ZNF362: variants seen among roughly 807,000 people sequenced by gnomAD.
The protein encoded by ZNF362 is zinc finger protein 362.
ZNF362 carries 11 observed loss-of-function variants against 42.9 expected under a neutral mutation model. The observed-to-expected ratio is 0.26, with a 90% CI of 0.16 to 0.42. The LOEUF (loss-of-function observed/expected upper bound fraction) is 0.42, where lower values mean the gene tolerates loss of function less well. ZNF362 is among the 20% of genes least tolerant of loss of function. ZNF362 has a pLI of 1.00. For synonymous variants in ZNF362, 255 were observed against 257.3 expected, an observed-to-expected ratio of 0.99 and a Z score of 0.09; for missense variants, 362 against 576.2, an observed-to-expected ratio of 0.63 and a Z score of 3.81.
In ZNF362 at chr1:33,298,679, G is replaced by A. The variant is rs138394793; in HGVS notation, c.1147-251G>A. 2.8e-4 allele frequency among the ~76,000 whole-genome samples: 42 copies of A among 152,336 alleles called. No individual in the cohort carries two copies. In the East Asian group the frequency reaches 5.0e-3, roughly 18 times the overall value. On this transcript the variant is annotated intron_variant, in intron 8 of 8. Coordinates refer to ENST00000539719, the MANE Select transcript of ZNF362 (RefSeq NM_152493.3). The stretch of plus-strand genomic sequence containing the variant: ...GCTACATCCAGGTGGCAAGGGCCTG[G>A]GGGCCTGGCCCTGGAGAGCCACAGG...
chr1:33,156,263 T>C, the ZNF362 span, among the ~76,000 whole-genome samples: 5 of 152,182 alleles, frequency 3.3e-5, no homozygotes, highest in African/African-American at 9.6e-5. Context: ...TGCCACACTC[T>C]CTCTCCTTCG....
rs185772301 is a variant in ZNF362 at position 33,273,360 on chromosome 1, T to G, written c.39-2740T>G. 7.4e-4 allele frequency among the ~76,000 whole-genome samples: 112 copies of G among 152,096 alleles called. 1 individual carries two copies. The highest frequency in any genetic ancestry group is 1.9e-3 in the Admixed American group (29 of 15,282). ...TAAGTGATCTGGGGCCCATCTAGGG[T>G]GAAGGGTGGCCCCTGCCTGACCAGG... On this transcript the variant is annotated intron_variant, in intron 2 of 8. Coordinates refer to ENST00000539719, the MANE Select transcript of ZNF362 (RefSeq NM_152493.3).
the ZNF362 span, chr1:33,195,732 G>A: frequency 2.0e-5 from 3 of 152,196 alleles, no homozygotes; most frequent in Non-Finnish European, 2.9e-5. Flanking sequence ...TTGCAGGACT[G>A]GAAGTTGCTC....
At chr1:33,273,144 G>C (rs1645918022) in intron 2 of ZNF362, among the ~76,000 whole-genome samples, 2 of 152,244 alleles carry the variant, frequency 1.3e-5, no homozygotes, top group Non-Finnish European at 2.9e-5. Context: ...AGATGCTGTT[G>C]ATGAGCACCT....
the ZNF362 span, among the ~76,000 whole-genome samples, chr1:33,188,789 A>G: frequency 5.9e-5 from 9 of 152,186 alleles, no homozygotes; most frequent in African/African-American, 2.2e-4. Context: ...GCAGCTAAGG[A>G]GAGAGATAAG....
In ZNF362 at chr1:33,286,162, G is replaced by A. The variant is rs114793919; in HGVS notation, c.908+4351G>A. On this transcript the variant is annotated intron_variant, in intron 6 of 8. Transcript: ENST00000539719. ...TAAAACAAGGGAGCAAATCTTTGGTGTTGCCCAGCAGCCGTCTGGAAATGC... is the reference window on the plus strand; with the variant it reads ...TAAAACAAGGGAGCAAATCTTTGGTATTGCCCAGCAGCCGTCTGGAAATGC... Among the ~76,000 whole-genome samples the A allele has an allele frequency of 3.9e-3, 599 of 152,310 alleles. 4 individuals carry two copies. The highest frequency in any genetic ancestry group is 0.014 in the African/African-American group (569 of 41,570).
the ZNF362 span, among the ~76,000 whole-genome samples, chr1:33,162,361 T>G: frequency 6.6e-6 from 1 of 152,258 alleles, no homozygotes; most frequent in Non-Finnish European, 1.5e-5. Flanking sequence ...AAGACCTAGC[T>G]TGAAAGTGAC....
chr1:33,237,322 T>C, the ZNF362 span, among the ~76,000 whole-genome samples: 8 of 152,128 alleles, frequency 5.3e-5, no homozygotes, highest in Non-Finnish European at 1.0e-4. Flanking sequence ...ACTGTTGTTG[T>C]TGTTAAGAGC....
the ZNF362 span, among the ~76,000 whole-genome samples, chr1:33,205,632 G>C: frequency 6.6e-6 from 1 of 152,044 alleles, no homozygotes; most frequent in Non-Finnish European, 1.5e-5. Context: ...AGACAAACAG[G>C]GCCAGGTGTG....
chr1:33,276,222 C>G, intron 3 of ZNF362, 59 bp downstream of exon 3: 1 of 1,605,504 alleles, frequency 6.2e-7, no homozygotes, highest in Non-Finnish European at 8.5e-7. Flanking sequence ...TTCGCTTCCC[C>G]TGGGTTTTGG....
the ZNF362 span, among the ~76,000 whole-genome samples, chr1:33,192,013 A>G: frequency 6.6e-6 from 1 of 152,302 alleles, no homozygotes; most frequent in South Asian, 2.1e-4. Context: ...GGAGTGGGAC[A>G]CTTCTACTAC....
At chr1:33,169,531 C>G in the ZNF362 span, among the ~76,000 whole-genome samples, 1 of 152,148 alleles carries the variant, frequency 6.6e-6, no homozygotes, top group East Asian at 1.9e-4. Context: ...ATGCTTCCCC[C>G]TCTCACTCTC....
At chr1:33,238,967 T>TG in the ZNF362 span, among the ~76,000 whole-genome samples, 3 of 152,146 alleles carry the variant, frequency 2.0e-5, no homozygotes, top group Admixed American at 2.0e-4. Context: ...GTTTAATCCA[T>TG]CCAGCTTACG....
intron 8 of ZNF362, among the ~76,000 whole-genome samples, chr1:33,296,609 G>A (rs1448346273): frequency 6.6e-6 from 1 of 151,372 alleles, no homozygotes; most frequent in Non-Finnish European, 1.5e-5. Flanking sequence ...CTTAGGTGAA[G>A]CCTTGAAGGA....
chr1:33,231,824 G>C, the ZNF362 span, among the ~76,000 whole-genome samples: 1 of 152,164 alleles, frequency 6.6e-6, no homozygotes, highest in Non-Finnish European at 1.5e-5. Flanking sequence ...AGCTCCCTCA[G>C]CCCTACTAAG....
chr1:33,238,557 A>G, the ZNF362 span, among the ~76,000 whole-genome samples: 1 of 152,092 alleles, frequency 6.6e-6, no homozygotes, highest in Non-Finnish European at 1.5e-5. Flanking sequence ...ACCTCAGCCA[A>G]TCAATGCAGC....
Position 33,276,473 on chromosome 1 carries a change from C to T in ZNF362, c.228C>T (p.Ala76=), listed in dbSNP as rs529132820. 1.4e-4 allele frequency: 216 copies of T among 1,590,210 alleles called. No individual in the cohort carries two copies. The Admixed American group carries it at 3.0e-3, about 22-fold the overall frequency. ...CGTTGCTAGTGCCGCCGGCACCCGC[C>T]GAGAGCAGCCAGGCCGTCATGTCGC... ...QQPLLVPPAP[A]ESSQAVMSLP... is the part of the protein sequence containing the mutation. Residue 76 remains alanine, a synonymous_variant, in exon 4 of 9, where the codon GCC becomes GCT. Transcript: ENST00000539719.
At chr1:33,135,960 ATTTC>A in the ZNF362 span, among the ~76,000 whole-genome samples, 561 of 136,292 alleles carry the variant, frequency 4.1e-3, 4 homozygotes, top group African/African-American at 0.015. Flanking sequence ...CCGGTAATGT[ATTTC>A]TTTCTTTGGG....
chr1:33,212,743 G>A, the ZNF362 span, among the ~76,000 whole-genome samples: 1 of 152,132 alleles, frequency 6.6e-6, no homozygotes, highest in African/African-American at 2.4e-5. Context: ...ATGGCACTAA[G>A]CCATTCATGA....
Sources: gnomAD v4.1 joint callset for allele counts (sites outside exome capture counted in the v4.1 genomes callset) on GRCh38, gnomAD v4.1.1 for gene constraint, MANE v1.5 for transcripts, NCBI Gene and HGNC (gene_info 2026-07-23, HGNC 2026-07-21) for gene names.